MAPK10: variants seen among roughly 807,000 people sequenced by gnomAD.
MAPK10 encodes the protein mitogen-activated protein kinase 10.
MAPK10 carries 25 observed loss-of-function variants against 59.3 expected under a neutral mutation model. That is an observed-to-expected ratio of 0.42 (90% CI 0.31 to 0.59). The LOEUF (loss-of-function observed/expected upper bound fraction) is 0.59. MAPK10 is among the 20% of genes least tolerant of loss of function. The pLI is 0.15. For synonymous variants in MAPK10, 190 were observed against 200.5 expected, an observed-to-expected ratio of 0.95 and a Z score of 0.44; for missense variants, 351 against 568.9, an observed-to-expected ratio of 0.62 and a Z score of 3.90.
chr4:86,452,121 G>A (rs1474282985), intron 1 of MAPK10, among the ~76,000 whole-genome samples: 2 of 152,174 alleles, frequency 1.3e-5, no homozygotes, highest in African/African-American at 2.4e-5. Context: ...TGGCTCCAGA[G>A]TCTGCACACT....
intron 1 of MAPK10, among the ~76,000 whole-genome samples, chr4:86,493,306 T>C (rs556286599): frequency 6.6e-6 from 1 of 152,356 alleles, no homozygotes; most frequent in East Asian, 1.9e-4. Flanking sequence ...CTGAAGTTTT[T>C]CTTTTATCAG....
chr4:86,573,458 T>C (rs903560650), intron 1 of MAPK10, among the ~76,000 whole-genome samples: 1 of 152,186 alleles, frequency 6.6e-6, no homozygotes, highest in Non-Finnish European at 1.5e-5. Context: ...TCTATATAGC[T>C]ATCCTTACTC....
intron 2 of MAPK10, among the ~76,000 whole-genome samples, chr4:86,232,504 G>A (rs1305200329): frequency 2.6e-5 from 4 of 151,950 alleles, no homozygotes; most frequent in Non-Finnish European, 5.9e-5. Flanking sequence ...CTCCCAAGTA[G>A]CTGGGACTAC....
intron 2 of MAPK10, among the ~76,000 whole-genome samples, chr4:86,250,300 T>C (rs187926979): frequency 6.6e-6 from 1 of 152,268 alleles, no homozygotes; most frequent in East Asian, 1.9e-4. Context: ...AAGTGGCTGG[T>C]TTTAAAGTAG....
rs757457303 is a variant in MAPK10 at position 86,101,999 on chromosome 4, T to C, written c.459A>G (p.Leu153=). ...CTAATTCCATCTGAATCACTTGACA[T>C]AAGTTGGCATCCATCAGTTCCATTA... ...YLVMELMDAN[L]CQVIQMELDH... Residue 153 remains leucine (L), a synonymous_variant, in exon 7 of 14, where the codon TTA becomes TTG. Coordinates refer to ENST00000641462, the MANE Select transcript of MAPK10 (RefSeq NM_138982.4). The C allele has an allele frequency of 7.4e-6, 12 of 1,613,910 alleles. No homozygotes were observed. The African/African-American group carries it at 1.3e-4, about 18-fold the overall frequency.
At chr4:86,033,711 T>C (rs2039587549) in intron 11 of MAPK10, among the ~76,000 whole-genome samples, 2 of 152,252 alleles carry the variant, frequency 1.3e-5, no homozygotes, top group Non-Finnish European at 2.9e-5. Flanking sequence ...ACCACTTGAT[T>C]TATAGTATTT....
intron 2 of MAPK10, among the ~76,000 whole-genome samples, chr4:86,275,423 A>G (rs1251883972): frequency 1.3e-5 from 2 of 152,032 alleles, no homozygotes; most frequent in Non-Finnish European, 2.9e-5. Context: ...GACCCCAAAT[A>G]CTTAATTCTA....
chr4:86,144,049 T>C (rs1249874941), intron 4 of MAPK10, among the ~76,000 whole-genome samples: 1 of 152,178 alleles, frequency 6.6e-6, no homozygotes, highest in Non-Finnish European at 1.5e-5. Flanking sequence ...GAGTTAGCAG[T>C]ATTCTTGTGA....
At chr4:86,422,234 T>C (rs1244535346) in intron 1 of MAPK10, among the ~76,000 whole-genome samples, 1 of 152,188 alleles carries the variant, frequency 6.6e-6, no homozygotes, top group Non-Finnish European at 1.5e-5. Context: ...GTTGCCCCTA[T>C]CGACAAGTAA....
At chr4:86,139,010 C>T (rs1299563908) in intron 4 of MAPK10, among the ~76,000 whole-genome samples, 12 of 119,998 alleles carry the variant, frequency 1.0e-4, no homozygotes, top group Admixed American at 2.7e-4. Context: ...GAACTACAAA[C>T]CACTGCTCAA....
intron 1 of MAPK10, among the ~76,000 whole-genome samples, chr4:86,591,678 G>C (rs968534485): frequency 2.6e-5 from 4 of 152,014 alleles, no homozygotes; most frequent in African/African-American, 9.7e-5. Flanking sequence ...CCCACCCCCC[G>C]TATGTTAATT....
At chr4:86,208,900 A>G (rs1301425430) in intron 2 of MAPK10, among the ~76,000 whole-genome samples, 3 of 152,144 alleles carry the variant, frequency 2.0e-5, no homozygotes, top group Non-Finnish European at 4.4e-5. Context: ...AATCAATAGT[A>G]TCTGATAATA....
intron 3 of MAPK10, among the ~76,000 whole-genome samples, chr4:86,188,679 C>T (rs1483685559): frequency 6.6e-6 from 1 of 151,994 alleles, no homozygotes; most frequent in Non-Finnish European, 1.5e-5. Flanking sequence ...AAAATGTTCC[C>T]CCATTCTGTG....
chr4:86,399,841 A>C (rs971245464), intron 1 of MAPK10: 3 of 152,240 alleles, frequency 2.0e-5, no homozygotes, highest in Non-Finnish European at 2.9e-5. Context: ...GGAAACAGTT[A>C]GTAATTCTGC....
intron 9 of MAPK10, among the ~76,000 whole-genome samples, chr4:86,087,197 T>G (rs1008693205): frequency 3.3e-5 from 5 of 152,220 alleles, no homozygotes; most frequent in African/African-American, 1.2e-4. Context: ...TTAATTTTTC[T>G]TAATAGAAAC....
chr4:86,553,687 A>G (rs776347422), intron 1 of MAPK10, among the ~76,000 whole-genome samples: 1 of 152,148 alleles, frequency 6.6e-6, no homozygotes, highest in South Asian at 2.1e-4. Context: ...GAGTACAGAC[A>G]TCCAAGTCAC....
At chr4:86,361,678 C>T (rs971693521), upstream of MAPK10, among the ~76,000 whole-genome samples, 6 of 152,074 alleles carry the variant, frequency 3.9e-5, no homozygotes, top group African/African-American at 7.2e-5. Flanking sequence ...CACACACACA[C>T]ACATGCTGGA....
At chr4:86,186,343 A>C (rs2078223668) in intron 3 of MAPK10, among the ~76,000 whole-genome samples, 1 of 152,054 alleles carries the variant, frequency 6.6e-6, no homozygotes, top group Non-Finnish European at 1.5e-5. Context: ...GAGACTTCAG[A>C]AACTGCAACA....
intron 9 of MAPK10, among the ~76,000 whole-genome samples, chr4:86,092,624 T>G (rs978536963): frequency 2.7e-5 from 4 of 149,954 alleles, no homozygotes; most frequent in African/African-American, 7.4e-5. Context: ...ATTAGTGATA[T>G]ATATATATAT....
Sources: gnomAD v4.1 joint callset for allele counts (sites outside exome capture counted in the v4.1 genomes callset) on GRCh38, gnomAD v4.1.1 for gene constraint, MANE v1.5 for transcripts, NCBI Gene and HGNC (gene_info 2026-07-23, HGNC 2026-07-21) for gene names.